Variants in DDX6 observed in about 807,000 individuals in gnomAD.
DDX6 encodes the protein probable ATP-dependent RNA helicase DDX6.
A neutral mutation model predicts 60.6 loss-of-function variants in DDX6; 7 were observed. The observed-to-expected ratio is 0.12, with a 90% CI of 0.07 to 0.22. DDX6 has a LOEUF of 0.22. Ranked by LOEUF, DDX6 falls within the 10% of genes least tolerant of loss-of-function variation. DDX6 has a pLI of 1.00. For synonymous variants in DDX6, 207 were observed against 201.0 expected (o/e 1.03, Z -0.25); for missense variants, 270 against 589.9 (o/e 0.46, Z 5.62).
intron 9 of DDX6, 46 bp downstream of exon 9, chr11:118,758,728 C>T: frequency 6.2e-7 from 1 of 1,602,240 alleles, no homozygotes; most frequent in Non-Finnish European, 8.5e-7. Flanking sequence ...ATCTGTTTTA[C>T]TGGGACTCGA....
rs182841298 is a variant in DDX6, at chr11:118,758,697, G to A, written c.993+77C>T. ...CTACGAACTTTTATACAGTGAAGAC[G>A]GTGGGAAAATTGATGAAATCATCTG... On this transcript the variant is annotated intron_variant, in intron 9 of 13. Coordinates refer to ENST00000534980, the MANE Select transcript of DDX6 (RefSeq NM_004397.6). 2.6e-4 allele frequency: 407 copies of A among 1,553,640 alleles called. No homozygotes were observed. The African/African-American group carries it at 4.9e-3, about 19-fold the overall frequency.
intron 8 of DDX6, 127 bp downstream of exon 8, chr11:118,759,795 A>G: frequency 9.4e-7 from 1 of 1,059,274 alleles, no homozygotes; most frequent in South Asian, 2.2e-5. Flanking sequence ...GATCAACTGA[A>G]GAAAGAGCCA....
chr11:118,760,931 G>C (rs868948886), intron 7 of DDX6, among the ~76,000 whole-genome samples: 5 of 151,972 alleles, frequency 3.3e-5, no homozygotes, highest in South Asian at 2.1e-4. Flanking sequence ...CCTGAGGTCA[G>C]GAGTTCAAGA....
chr11:118,784,346 A>G (rs899659311), intron 2 of DDX6, among the ~76,000 whole-genome samples: 2 of 151,992 alleles, frequency 1.3e-5, no homozygotes, highest in African/African-American at 2.4e-5. Flanking sequence ...TGTATAAGCT[A>G]TTTTTCTGTA....
rs1555164267 is a variant in DDX6, at chr11:118,779,615, A to T, written c.369+17T>A. On this transcript the variant is annotated intron_variant, in intron 4 of 13. Coordinates refer to ENST00000534980, the MANE Select transcript of DDX6 (RefSeq NM_004397.6). ...TGACACATAACCTTACATATGTGATAAAAAGGGTTAACATACCTGAATAGG... is the reference window on the plus strand; with the variant it reads ...TGACACATAACCTTACATATGTGATTAAAAGGGTTAACATACCTGAATAGG... 4.6e-6 allele frequency: 7 copies of T among 1,538,080 alleles called. No homozygotes were observed. Among genetic ancestry groups the T allele is most frequent in the Non-Finnish European group, 6.3e-6 (7 of 1,119,160 alleles).
Position 118,757,183 on chromosome 11 carries a change from A to G in DDX6, c.1098T>C (p.Ala366=), listed in dbSNP as rs782286418. Residue 366 remains alanine, a synonymous_variant, in exon 10 of 14, where the codon GCT becomes GCC. Coordinates refer to ENST00000534980, the MANE Select transcript of DDX6 (RefSeq NM_004397.6). ...GTTTTATACTCACCTGCCTCATTTT[A>G]GCATGAATATAGAAGCAAGAATAAC... The part of the protein sequence containing the change: ...QLGYSCFYIH[A]KMRQEHRNRV... 1.9e-6 allele frequency: 3 copies of G among 1,552,722 alleles called. No homozygotes were observed. The highest frequency in any genetic ancestry group is 2.5e-5 in the South Asian group (2 of 79,630).
intron 7 of DDX6, among the ~76,000 whole-genome samples, chr11:118,762,120 C>T (rs923797492): frequency 2.6e-5 from 4 of 151,682 alleles, no homozygotes; most frequent in Admixed American, 6.6e-5. Context: ...ACTAAAAATA[C>T]AAGAATTAGC....
chr11:118,756,211 A>G (rs782559020), intron 11 of DDX6, 49 bp downstream of exon 11: 38 of 1,542,504 alleles, frequency 2.5e-5, no homozygotes, highest in Non-Finnish European at 3.3e-5. Context: ...GAAAGCAAAA[A>G]ACAACTTGGG....
Position 118,749,953 on chromosome 11 carries a change from A to C in DDX6, c.*2152T>G, listed in dbSNP as rs1860697228. 1 of 152,572 alleles carries C rather than the reference A, an allele frequency of 6.6e-6. No individual in the cohort carries two copies. Among genetic ancestry groups the C allele is most frequent in the East Asian group, 1.9e-4 (1 of 5,182 alleles). The allele number at this position is 152,572 out of a possible 1,614,324, so 9.5% of individuals were successfully genotyped here. ...CGTGCAGTTCTTGCTACAGTTGTTA[A>C]GGAGTTAGGGCTATGTCCCATCAGG... On this transcript the variant is annotated 3_prime_UTR_variant, in exon 14 of 14. Coordinates refer to ENST00000534980, the MANE Select transcript of DDX6 (RefSeq NM_004397.6).
chr11:118,781,947 G>T (rs1283552610), intron 2 of DDX6, among the ~76,000 whole-genome samples: 4 of 145,598 alleles, frequency 2.7e-5, no homozygotes, highest in African/African-American at 1.0e-4. Flanking sequence ...TAAGGTGGGC[G>T]CACACCTGTA....
intron 9 of DDX6, among the ~76,000 whole-genome samples, 194 bp from the exon 10 acceptor site, chr11:118,757,481 G>A (rs903990085): frequency 6.6e-6 from 1 of 152,096 alleles, no homozygotes; most frequent in Non-Finnish European, 1.5e-5. Flanking sequence ...AAGATTTACC[G>A]TATTAGAGTA....
intron 4 of DDX6, among the ~76,000 whole-genome samples, chr11:118,772,310 T>G (rs1555162766): frequency 6.6e-6 from 1 of 152,158 alleles, no homozygotes; most frequent in South Asian, 2.1e-4. Flanking sequence ...CAATAAAATA[T>G]TATTCAGGAA....
At chr11:118,760,572 C>T (rs1206272016) in intron 7 of DDX6, among the ~76,000 whole-genome samples, 1 of 152,152 alleles carries the variant, frequency 6.6e-6, no homozygotes, top group African/African-American at 2.4e-5. Flanking sequence ...CCTGTAATCC[C>T]AGCACTTTGG....
In DDX6 at chr11:118,786,351, A is replaced by T. The variant is rs1862074470; in HGVS notation, c.-100T>A. 1 of 1,042,192 alleles carries T rather than the reference A, an allele frequency of 9.6e-7. No homozygotes were observed. The highest frequency in any genetic ancestry group is 2.9e-5 in the Admixed American group (1 of 34,654). The allele number at this position is 1,042,192 out of a possible 1,614,324, so 64.6% of individuals were successfully genotyped here. On this transcript the variant is annotated 5_prime_UTR_variant, in exon 2 of 14. Transcript: ENST00000534980. ...TTAGGCTCTCCAAAATGAAGAGATA[A>T]ATATAAGTCTTGCTCAATAAATGAG...
chr11:118,781,149 G>T lies in DDX6; in HGVS notation c.236C>A (p.Pro79His). The change falls in exon 3 of 14, where the codon CCT (proline) becomes CAT (histidine). Residue 79 changes from proline to histidine, a missense_variant. Coordinates refer to ENST00000534980, the MANE Select transcript of DDX6 (RefSeq NM_004397.6). ...AGTTTTGATTCTTAGATCCTTTGGA[G>T]GGAGTTTTAAAGTCTTTTTCCAGTC... is the stretch of plus-strand genomic sequence containing the variant. ...GDDWKKTLKLPPKDLRIKTSD... is the reference protein window; with the variant it reads ...GDDWKKTLKLHPKDLRIKTSD... 6.2e-7 allele frequency: 1 copy of T among 1,606,400 alleles called. No homozygotes were observed.
At chr11:118,786,784 C>T (rs1182686611) in intron 1 of DDX6, 1 of 153,374 alleles carries the variant, frequency 6.5e-6, no homozygotes, top group African/African-American at 2.4e-5. Context: ...ATTAGCACTA[C>T]TCGTCAATGA....
intron 5 of DDX6, among the ~76,000 whole-genome samples, chr11:118,766,296 T>C (rs1861352157): frequency 6.7e-6 from 1 of 149,206 alleles, no homozygotes. Context: ...TAGCTGGGAA[T>C]GGTGGCATGT....
intron 4 of DDX6, among the ~76,000 whole-genome samples, chr11:118,775,933 C>T (rs1861684528): frequency 6.6e-6 from 1 of 152,174 alleles, no homozygotes; most frequent in Admixed American, 6.6e-5. Context: ...GAGGTCAAGA[C>T]CAGCCTGGTC....
chr11:118,757,126 A>G (rs1347662241), intron 10 of DDX6, 45 bp downstream of exon 10: 2 of 998,556 alleles, frequency 2.0e-6, no homozygotes. Flanking sequence ...AAATAAAGAA[A>G]GAGATTTCTT....
Sources: gnomAD v4.1 joint callset for allele counts (sites outside exome capture counted in the v4.1 genomes callset) on GRCh38, gnomAD v4.1.1 for gene constraint, MANE v1.5 for transcripts, NCBI Gene and HGNC (gene_info 2026-07-23, HGNC 2026-07-21) for gene names.